STK3: variants seen among roughly 807,000 people sequenced by gnomAD.
STK3 encodes serine/threonine kinase 3.
In STK3, 41 loss-of-function variants were observed where a neutral mutation model predicts 58.0. The observed-to-expected ratio is 0.71, with a 90% CI of 0.55 to 0.92. The LOEUF is 0.92. STK3 is among the 40% of genes least tolerant of loss of function. The probability of loss-of-function intolerance (pLI) is 0.00; values close to 1 mark genes in which losing one functional copy is unlikely to be tolerated. For missense variants in STK3, 479 were observed against 602.7 expected (o/e 0.79, Z 2.15); for synonymous variants, 170 against 191.0 (o/e 0.89, Z 0.91).
At chr8:98,533,873 TA>T (rs923978761) in intron 9 of STK3, among the ~76,000 whole-genome samples, 2 of 152,196 alleles carry the variant, frequency 1.3e-5, no homozygotes, top group African/African-American at 4.8e-5. Flanking sequence ...ATCCTTTACC[TA>T]AATAATTTCA....
chr8:98,491,628 T>C (rs1822709953), intron 10 of STK3, among the ~76,000 whole-genome samples: 3 of 152,036 alleles, frequency 2.0e-5, no homozygotes, highest in Middle Eastern at 6.8e-3. Context: ...AGAGATGGGG[T>C]TTCACCATGT....
chr8:98,737,989 C>A (rs867614930), intron 4 of STK3, among the ~76,000 whole-genome samples: 2 of 152,076 alleles, frequency 1.3e-5, no homozygotes, highest in Non-Finnish European at 2.9e-5. Flanking sequence ...GGATTACAGG[C>A]GTGAGCCACC....
the STK3 span, among the ~76,000 whole-genome samples, chr8:98,363,756 G>A: frequency 6.6e-6 from 1 of 152,230 alleles, no homozygotes; most frequent in South Asian, 2.1e-4. Context: ...GAGCCTCCTG[G>A]TCTCATCTCA....
chr8:98,428,304 G>T lies in STK3; in HGVS notation n.483+5823C>A, dbSNP rs1393940932. The T allele has an allele frequency of 6.2e-7, 1 of 1,614,154 alleles. No individual in the cohort carries two copies. Among genetic ancestry groups the T allele is most frequent in the South Asian group, 1.1e-5 (1 of 91,080 alleles). On this transcript the variant is annotated intron_variant and non_coding_transcript_variant, in intron 3 of 3. Coordinates refer to the STK3 transcript ENST00000517832. The surrounding 1 kb of genome is among the most constrained non-coding windows in gnomAD (Gnocchi z 6.7). ...CTTCAGCCAGGAGATCGAGTACTGGGGCATCAACGAGTTCTTCATTGACTC... is the reference window on the plus strand; with the variant it reads ...CTTCAGCCAGGAGATCGAGTACTGGTGCATCAACGAGTTCTTCATTGACTC...
chr8:98,409,675 T>G (rs1174788759), intron 3 of STK3, among the ~76,000 whole-genome samples: 3 of 152,272 alleles, frequency 2.0e-5, no homozygotes, highest in Non-Finnish European at 4.4e-5. Flanking sequence ...TGTCCTGTTG[T>G]AACTTATGTG....
downstream of STK3, among the ~76,000 whole-genome samples, chr8:98,398,257 A>G (rs1262105315): frequency 6.6e-6 from 1 of 152,182 alleles, no homozygotes; most frequent in Non-Finnish European, 1.5e-5. Flanking sequence ...GGAAGGAAAG[A>G]GTGACCCTCC....
intron 6 of STK3, among the ~76,000 whole-genome samples, chr8:98,677,578 CGGAGAT>C (rs1823320677): frequency 1.3e-5 from 2 of 151,782 alleles, no homozygotes; most frequent in South Asian, 2.1e-4. Context: ...GAGAAGGAGA[CGGAGAT>C]GGAGATGGAG....
chr8:98,882,262 A>C (rs1587796713), downstream of STK3: 2 of 151,980 alleles, frequency 1.3e-5, no homozygotes, highest in South Asian at 2.1e-4. Context: ...TTTTATTTTT[A>C]ATTTTTGTGG....
At chr8:98,629,434 T>C (rs1819003929) in intron 6 of STK3, among the ~76,000 whole-genome samples, 1 of 152,174 alleles carries the variant, frequency 6.6e-6, no homozygotes, top group Admixed American at 6.5e-5. Context: ...CATTGGTTCA[T>C]ATAATCAAGT....
At chr8:98,741,648 G>C (rs922708932) in intron 4 of STK3, among the ~76,000 whole-genome samples, 1 of 152,124 alleles carries the variant, frequency 6.6e-6, no homozygotes, top group Non-Finnish European at 1.5e-5. Flanking sequence ...AAGCAGGAAA[G>C]ATCCAAAATT....
chr8:98,526,966 G>C, intron 9 of STK3, 49 bp from the exon 10 acceptor site: 1 of 1,353,472 alleles, frequency 7.4e-7, no homozygotes, highest in Non-Finnish European at 9.6e-7. Context: ...TACATTTAAG[G>C]AAGTATTTTC....
chr8:98,444,619 G>A (rs1427663604), intron 1 of STK3, among the ~76,000 whole-genome samples: 1 of 152,146 alleles, frequency 6.6e-6, no homozygotes, highest in East Asian at 1.9e-4. Flanking sequence ...ATTTAAGGGG[G>A]ACTCCCGGGT....
chr8:98,729,358 C>T lies in STK3; in HGVS notation c.351+19918G>A, dbSNP rs138307780. On this transcript the variant is annotated intron_variant, in intron 4 of 10. Transcript: ENST00000419617. ...CTCCTGAGCCCAAGTGATCTCCCCG[C>T]CTCAGCCTCCCAAAGTGCTGGGATT... Among the ~76,000 whole-genome samples, 108 of 152,304 alleles carry T rather than the reference C, an allele frequency of 7.1e-4. 1 individual carries two copies. In the East Asian group the frequency reaches 0.019, roughly 27 times the overall value.
intron 8 of STK3, among the ~76,000 whole-genome samples, chr8:98,564,760 T>A (rs1339182014): frequency 6.6e-6 from 1 of 151,984 alleles, no homozygotes; most frequent in South Asian, 2.1e-4. Flanking sequence ...TATATATCAA[T>A]TTTTTTTAAA....
intron 4 of STK3, among the ~76,000 whole-genome samples, chr8:98,710,514 G>A (rs1826321376): frequency 1.3e-5 from 2 of 152,242 alleles, no homozygotes; most frequent in South Asian, 4.1e-4. Flanking sequence ...TGGCTTGGAG[G>A]GTCCTACACC....
intron 10 of STK3, among the ~76,000 whole-genome samples, chr8:98,480,177 G>C (rs1266222693): frequency 2.6e-5 from 4 of 151,974 alleles, no homozygotes; most frequent in Non-Finnish European, 5.9e-5. Context: ...TTTGGCAAGA[G>C]ATAAATTTAT....
intron 6 of STK3, among the ~76,000 whole-genome samples, chr8:98,627,947 A>C (rs1039304846): frequency 6.6e-6 from 1 of 152,222 alleles, no homozygotes; most frequent in African/African-American, 2.4e-5. Flanking sequence ...TTAACATCAA[A>C]TGAGAAAATA....
chr8:98,713,230 A>G lies in STK3; in HGVS notation c.352-5919T>C, dbSNP rs1459105264. On this transcript the variant is annotated intron_variant, in intron 4 of 10. Transcript: ENST00000419617. ...TAACATCACAATTAAAAGAACTAGAAAAGCAAGAGCAAACACATTCAAAAG... is the reference window on the plus strand; with the variant it reads ...TAACATCACAATTAAAAGAACTAGAGAAGCAAGAGCAAACACATTCAAAAG... Among the ~76,000 whole-genome samples the G allele has an allele frequency of 4.6e-5, 7 of 152,088 alleles. 1 individual carries two copies. Among genetic ancestry groups the G allele is most frequent in the Non-Finnish European group, 7.4e-5 (5 of 67,972 alleles).
chr8:98,811,502 G>A, intron 1 of STK3, among the ~76,000 whole-genome samples: 1 of 140,018 alleles, frequency 7.1e-6, no homozygotes, highest in Non-Finnish European at 1.5e-5. Flanking sequence ...ACACAAGGAT[G>A]ATATGCAAAT....
Sources: gnomAD v4.1 joint callset for allele counts (sites outside exome capture counted in the v4.1 genomes callset) on GRCh38, gnomAD v4.1.1 for gene constraint, Gnocchi (gnomAD v3.1) non-coding constraint, MANE v1.5 for transcripts, NCBI Gene and HGNC (gene_info 2026-07-23, HGNC 2026-07-21) for gene names.